The following SFT2D2 variants were observed in gnomAD, a reference collection of about 807,000 sequenced individuals.
The protein encoded by SFT2D2 is vesicle transport protein SFT2B.
In SFT2D2, 21 loss-of-function variants were observed where a neutral mutation model predicts 27.4. That is an observed-to-expected ratio of 0.77 (90% CI 0.54 to 1.10). SFT2D2 has a LOEUF of 1.10. SFT2D2 is among the 50% of genes least tolerant of loss of function. The pLI is 0.00. For synonymous variants in SFT2D2, 72 were observed against 71.7 expected (o/e 1.00, Z -0.02); for missense variants, 187 against 194.2 (o/e 0.96, Z 0.22).
At position 168,245,059 on chromosome 1, in the gene SFT2D2, G is replaced by A. The variant is rs998506510; in HGVS notation, c.*2519G>A. ...TCAACTCTTACCACTTCTATTCAAC[G>A]TTGTACTGAAAATTCTAGCCACTGC... is the stretch of plus-strand genomic sequence containing the variant. On this transcript the variant is annotated 3_prime_UTR_variant, in exon 8 of 8. Coordinates refer to ENST00000271375, the MANE Select transcript of SFT2D2 (RefSeq NM_199344.3). The A allele has an allele frequency of 6.6e-5, 10 of 152,064 alleles. No homozygotes were observed. Among genetic ancestry groups the A allele is most frequent in the Admixed American group, 3.9e-4 (6 of 15,268 alleles). The allele number at this position is 152,064 out of a possible 1,614,324, so 9.4% of individuals were successfully genotyped here. A position where few individuals can be genotyped will look rare whatever the true frequency, so the allele number is the denominator to read the frequency against.
rs78134098 is a variant in SFT2D2, at chr1:168,231,567, G to A, written c.117G>A (p.Ala39=). Residue 39 remains alanine, a synonymous_variant, in exon 2 of 8, where the codon GCG becomes GCA. Coordinates refer to ENST00000271375, the MANE Select transcript of SFT2D2 (RefSeq NM_199344.3). ...SWSTRIKGFI[A]CFAIGILCSL... is the part of the protein sequence containing the mutation. ...GTACCAGGATAAAAGGCTTCATTGC[G>A]TGTTTTGCTATAGGAATTCTCTGCT... 114 of 1,613,886 alleles carry A rather than the reference G, an allele frequency of 7.1e-5. 1 individual carries two copies. The East Asian group carries it at 2.5e-3, about 35-fold the overall frequency.
chr1:168,227,796 T>C (rs1464546140), intron 1 of SFT2D2, among the ~76,000 whole-genome samples: 1 of 152,128 alleles, frequency 6.6e-6, no homozygotes, highest in Admixed American at 6.5e-5. Context: ...GCAGACACTT[T>C]CTCTCCCTGC....
intron 1 of SFT2D2, among the ~76,000 whole-genome samples, chr1:168,227,046 C>G (rs1460368688): frequency 6.6e-6 from 1 of 152,124 alleles, no homozygotes; most frequent in African/African-American, 2.4e-5. Context: ...TCTCGAACTC[C>G]TGACCTCAAG....
At chr1:168,237,656 C>T (rs903017308) in intron 6 of SFT2D2, among the ~76,000 whole-genome samples, 3 of 152,196 alleles carry the variant, frequency 2.0e-5, no homozygotes, top group Admixed American at 6.5e-5. Flanking sequence ...AATTGGTTAA[C>T]TCCTATTTGG....
At chr1:168,237,817 A>G (rs918733228) in intron 6 of SFT2D2, among the ~76,000 whole-genome samples, 2 of 151,610 alleles carry the variant, frequency 1.3e-5, no homozygotes, top group African/African-American at 4.8e-5. Flanking sequence ...TAAGATATGG[A>G]GAAGGATGCT....
intron 3 of SFT2D2, among the ~76,000 whole-genome samples, chr1:168,232,978 A>G (rs1247788936): frequency 2.0e-5 from 3 of 152,004 alleles, no homozygotes; most frequent in African/African-American, 7.3e-5. Flanking sequence ...TCTCAAGGCC[A>G]TTTTCCACTG....
intron 7 of SFT2D2, among the ~76,000 whole-genome samples, chr1:168,241,725 C>G (rs1351620994): frequency 2.6e-5 from 4 of 152,124 alleles, no homozygotes; most frequent in Non-Finnish European, 4.4e-5. Flanking sequence ...TGTGCAGAGA[C>G]TCTTCTGAGA....
chr1:168,237,464 GA>G (rs1221603244), intron 6 of SFT2D2, among the ~76,000 whole-genome samples: 1 of 152,212 alleles, frequency 6.6e-6, no homozygotes, highest in Non-Finnish European at 1.5e-5. Flanking sequence ...CTCAGAGTGA[GA>G]GGGGTGGTGG....
intron 3 of SFT2D2, among the ~76,000 whole-genome samples, chr1:168,234,006 G>A (rs1400014889): frequency 1.3e-5 from 2 of 152,206 alleles, no homozygotes; most frequent in East Asian, 1.9e-4. Context: ...CTTATTGGCC[G>A]GGTGTGGTGG....
In SFT2D2 at chr1:168,244,570, T is replaced by G. The variant is rs920596139; in HGVS notation, c.*2030T>G. The G allele has an allele frequency of 6.6e-6, 1 of 152,274 alleles. No homozygotes were observed. Among genetic ancestry groups the G allele is most frequent in the Admixed American group, 6.5e-5 (1 of 15,282 alleles). 9.4% of individuals were successfully genotyped at this position (152,274 alleles called of 1,614,324 possible). A position where few individuals can be genotyped will look rare whatever the true frequency, so the allele number is the denominator to read the frequency against. ...TCCCAGGTTCTTTCTAGGCTATTGA[T>G]GACATCCAGTCATCTGCTCAGGTCA... On this transcript the variant is annotated 3_prime_UTR_variant, in exon 8 of 8. Coordinates refer to ENST00000271375, the MANE Select transcript of SFT2D2 (RefSeq NM_199344.3).
intron 3 of SFT2D2, among the ~76,000 whole-genome samples, chr1:168,232,959 C>T (rs1647367993): frequency 6.6e-6 from 1 of 152,200 alleles, no homozygotes; most frequent in Admixed American, 6.5e-5. Context: ...CTGTCTCCTC[C>T]ATTGCCCCTC....
intron 7 of SFT2D2, among the ~76,000 whole-genome samples, chr1:168,240,510 A>G (rs1282332266): frequency 6.6e-6 from 1 of 152,160 alleles, no homozygotes; most frequent in African/African-American, 2.4e-5. Context: ...ATCATTACTG[A>G]GGATCCAATG....
At chr1:168,231,764 T>C (rs1335141725) in intron 2 of SFT2D2, 70 bp from the exon 3 acceptor site, 1 of 1,519,742 alleles carries the variant, frequency 6.6e-7, no homozygotes, top group East Asian at 2.3e-5. Flanking sequence ...CAGGGCTTCC[T>C]CTGGGAGCTC....
chr1:168,241,368 T>C (rs1159438616), intron 7 of SFT2D2, among the ~76,000 whole-genome samples: 1 of 151,882 alleles, frequency 6.6e-6, no homozygotes, highest in African/African-American at 2.4e-5. Flanking sequence ...ATTTTTTGTA[T>C]TTTTAGTAGA....
rs145057717 is a variant in SFT2D2 at position 168,236,494 on chromosome 1, A to G, written c.319-95A>G. On this transcript the variant is annotated intron_variant, in intron 4 of 7. Transcript: ENST00000271375. The stretch of plus-strand genomic sequence containing the variant: ...TTAACTGCTTTGAGATGAAGGATGC[A>G]TAAGTTTTGTGCATTTGTGAAGAAT... 2,571 of 1,257,648 alleles carry G rather than the reference A, an allele frequency of 2.0e-3. 34 individuals carry two copies. In the African/African-American group the frequency reaches 0.031, roughly 15 times the overall value. 77.9% of individuals were successfully genotyped at this position (1,257,648 alleles called of 1,614,324 possible). A position where few individuals can be genotyped will look rare whatever the true frequency, so the allele number is the denominator to read the frequency against.
At chr1:168,241,474 C>T (rs960359784) in intron 7 of SFT2D2, among the ~76,000 whole-genome samples, 4 of 151,762 alleles carry the variant, frequency 2.6e-5, no homozygotes, top group South Asian at 2.1e-4. Flanking sequence ...TTTACAGGTC[C>T]GAACCACCAT....
rs956288532 is a variant in SFT2D2 at position 168,246,013 on chromosome 1, C to A, written c.*3473C>A. ...TTCCTTGAATCCTACATCTCACTTT[C>A]TCAATGGACGCAGTGACGCAATGAA... is the stretch of plus-strand genomic sequence containing the variant. On this transcript the variant is annotated 3_prime_UTR_variant, in exon 8 of 8. Transcript: ENST00000271375. The A allele has an allele frequency of 1.5e-5, 3 of 201,124 alleles. No homozygotes were observed. The highest frequency in any genetic ancestry group is 3.1e-5 in the Non-Finnish European group (3 of 98,170). 12.5% of individuals were successfully genotyped at this position (201,124 alleles called of 1,614,324 possible).
intron 1 of SFT2D2, among the ~76,000 whole-genome samples, chr1:168,228,166 C>T (rs1030770599): frequency 1.3e-5 from 2 of 152,076 alleles, no homozygotes; most frequent in Non-Finnish European, 2.9e-5. Context: ...GTTTTGTTGC[C>T]GACTAACTTC....
At position 168,236,768 on chromosome 1, in the gene SFT2D2, G is replaced by A. The variant is rs1352592000; in HGVS notation, c.411G>A (p.Thr137=). 1.5e-5 allele frequency: 25 copies of A among 1,614,000 alleles called. No homozygotes were observed. The highest frequency in any genetic ancestry group is 2.0e-5 in the Non-Finnish European group (24 of 1,179,994). Residue 137 remains threonine (T), a splice_region_variant and synonymous_variant, in exon 6 of 8, where the codon ACG becomes ACA. Transcript: ENST00000271375. ...GCATTTTGCAGTCTTTGGCATTGAC[G>A]TGGTAAGTAACCTTTTAAACAATCC... ...IFCILQSLAL[T]WYSLSFIPFA...
Sources: allele counts gnomAD v4.1 joint callset (sites outside exome capture counted in the v4.1 genomes callset), GRCh38; gene constraint gnomAD v4.1.1; transcripts MANE v1.5; gene names NCBI Gene and HGNC (gene_info 2026-07-23, HGNC 2026-07-21).